The following PCDHGA10 variants were observed in gnomAD, a reference collection of about 807,000 sequenced individuals.
The protein encoded by PCDHGA10 is protocadherin gamma subfamily A, 10, also known as protocadherin gamma-A10.
In PCDHGA10, 42 loss-of-function variants were observed where a neutral mutation model predicts 59.5. The ratio of observed to expected loss-of-function variants is 0.71; its 90% CI spans 0.55 to 0.91. The LOEUF is 0.91. Ranked by LOEUF, PCDHGA10 falls within the 40% of genes least tolerant of loss-of-function variation. PCDHGA10 has a pLI of 0.00. For synonymous variants in PCDHGA10, 511 were observed against 517.2 expected (o/e 0.99, Z 0.16); for missense variants, 1,111 against 1,198.2 (o/e 0.93, Z 1.07).
intron 2 of PCDHGA10, among the ~76,000 whole-genome samples, chr5:141,500,184 TTTTATTTA>T (rs58019021): frequency 0.099 from 13,469 of 135,812 alleles, 757 homozygotes; most frequent in African/African-American, 0.15. Context: ...TCATTTTTAT[TTTTATTTA>T]TTTATTTATT....
In PCDHGA10 at chr5:141,431,202, C is replaced by T. The variant is rs2097350864; in HGVS notation, c.2436+15591C>T. The stretch of plus-strand genomic sequence containing the variant: ...ATAAAAATTAGTGAAAATGCAGCCA[C>T]TGAGATGCGGTTCCCTCTACCCCAC... On this transcript the variant is annotated intron_variant, in intron 1 of 3. Coordinates refer to ENST00000398610, the MANE Select transcript of PCDHGA10 (RefSeq NM_018913.3). The surrounding 1 kb of genome is among the most constrained non-coding windows in gnomAD (Gnocchi z 4.8). 6.2e-7 allele frequency: 1 copy of T among 1,614,204 alleles called. No individual in the cohort carries two copies. Among genetic ancestry groups the T allele is most frequent in the Non-Finnish European group, 8.5e-7 (1 of 1,180,052 alleles).
chr5:141,460,537 C>T (rs2098991642), intron 1 of PCDHGA10, among the ~76,000 whole-genome samples: 1 of 152,062 alleles, frequency 6.6e-6, no homozygotes, highest in African/African-American at 2.4e-5. Context: ...ATAATCTTAG[C>T]ACCTTAATCA....
At chr5:141,417,897 C>T (rs2096182334) in intron 1 of PCDHGA10, 1 of 1,578,084 alleles carries the variant, frequency 6.3e-7, no homozygotes, top group African/African-American at 1.4e-5. Context: ...CGGGCCGGCC[C>T]GCGGCAGGTA....
intron 1 of PCDHGA10, among the ~76,000 whole-genome samples, chr5:141,492,108 C>T (rs1331001233): frequency 2.6e-5 from 4 of 152,232 alleles, no homozygotes; most frequent in African/African-American, 9.6e-5. Flanking sequence ...TAGATTTCCT[C>T]TTCGATTTCT....
In PCDHGA10 at chr5:141,432,220, C is replaced by A. The variant is rs949257429; in HGVS notation, c.2436+16609C>A. ...CCGACTGTGAAGAGAACGCCCAGAT[C>A]ACTTATTCCCTGGCTGAGAACACCA... On this transcript the variant is annotated intron_variant, in intron 1 of 3. Coordinates refer to ENST00000398610, the MANE Select transcript of PCDHGA10 (RefSeq NM_018913.3). This position sits in a 1 kb window ranked among gnomAD's most constrained non-coding sequence, Gnocchi z 6.0. The A allele has an allele frequency of 2.5e-6, 4 of 1,614,246 alleles. No homozygotes were observed. The highest frequency in any genetic ancestry group is 1.6e-4 in the Middle Eastern group (1 of 6,062).
intron 1 of PCDHGA10, among the ~76,000 whole-genome samples, chr5:141,475,567 A>G (rs1260546062): frequency 6.6e-6 from 1 of 152,244 alleles, no homozygotes; most frequent in African/African-American, 2.4e-5. Flanking sequence ...CTGTCTTCCA[A>G]CAAGCCAGAT....
In PCDHGA10 at chr5:141,489,844, C is replaced by G. The variant is rs1004902910; in HGVS notation, c.2437-4963C>G. Reference sequence around the variant, plus strand: ...GCTGGTGCTAGAGCAGCAGCTGGATCGTGAAGCCCAGGCAAGACATCAGCT... The same window carrying G: ...GCTGGTGCTAGAGCAGCAGCTGGATGGTGAAGCCCAGGCAAGACATCAGCT... On this transcript the variant is annotated intron_variant, in intron 1 of 3. Coordinates refer to ENST00000398610, the MANE Select transcript of PCDHGA10 (RefSeq NM_018913.3). The surrounding 1 kb of genome is among the most constrained non-coding windows in gnomAD (Gnocchi z 4.5). The G allele has an allele frequency of 1.2e-6, 2 of 1,614,030 alleles. No individual in the cohort carries two copies. Among genetic ancestry groups the G allele is most frequent in the Non-Finnish European group, 8.5e-7 (1 of 1,179,990 alleles).
intron 1 of PCDHGA10, chr5:141,421,504 C>A (rs757410882): frequency 1.2e-6 from 2 of 1,614,062 alleles, no homozygotes; most frequent in Admixed American, 1.7e-5. Context: ...CAGGATAGAC[C>A]GGGAGGAGCT....
Position 141,491,657 on chromosome 5 carries a change from A to T in PCDHGA10, c.2437-3150A>T. 1.2e-6 allele frequency: 2 copies of T among 1,613,740 alleles called. No homozygotes were observed. Among genetic ancestry groups the T allele is most frequent in the Non-Finnish European group, 1.7e-6 (2 of 1,180,006 alleles). On this transcript the variant is annotated intron_variant, in intron 1 of 3. Transcript: ENST00000398610. The surrounding 1 kb of genome is among the most constrained non-coding windows in gnomAD (Gnocchi z 6.9). ...CCCACAGCTCTGGCGCTGGAGCCTG[A>T]CGCCATCCGGTCCCGCTCTAATACG...
chr5:141,427,528 A>G (rs1360860476), intron 1 of PCDHGA10: 1 of 617,748 alleles, frequency 1.6e-6, no homozygotes, highest in Non-Finnish European at 3.0e-6. Context: ...CGGATCCCGG[A>G]GTACAACGTC....
In PCDHGA10 at chr5:141,415,519, A is replaced by T; in HGVS notation, c.2344A>T (p.Thr782Ser). Residue 782 changes from threonine to serine, a missense_variant, in exon 1 of 4, where the codon ACG becomes TCG. Transcript: ENST00000398610. ...LIFPQPNYAD[T>S]LISQESCEKN... ...CTTCCCCCAGCCCAATTATGCGGACACGCTCATCAGCCAGGAGAGCTGTGA... is the reference window on the plus strand; with the variant it reads ...CTTCCCCCAGCCCAATTATGCGGACTCGCTCATCAGCCAGGAGAGCTGTGA... The T allele has an allele frequency of 1.9e-6, 3 of 1,614,182 alleles. No individual in the cohort carries two copies. The highest frequency in any genetic ancestry group is 2.5e-6 in the Non-Finnish European group (3 of 1,180,036).
At chr5:141,424,068 G>T in intron 1 of PCDHGA10, 1 of 993,858 alleles carries the variant, frequency 1.0e-6, no homozygotes. Flanking sequence ...TCACTGATTT[G>T]TAGTTATATT....
intron 1 of PCDHGA10, among the ~76,000 whole-genome samples, chr5:141,456,862 C>T (rs1385304686): frequency 6.6e-6 from 1 of 152,086 alleles, no homozygotes; most frequent in Non-Finnish European, 1.5e-5. Context: ...AATTGGGAGG[C>T]TGAGGCAGGA....
chr5:141,505,249 G>T, intron 2 of PCDHGA10, 144 bp from the exon 3 acceptor site: 1 of 1,447,748 alleles, frequency 6.9e-7, no homozygotes, highest in Non-Finnish European at 9.2e-7. Flanking sequence ...GATTGTAGAA[G>T]TGCCTCCTAC....
chr5:141,415,419 C>T lies in PCDHGA10; in HGVS notation c.2244C>T (p.Asp748=), dbSNP rs2095868053. The change falls in exon 1 of 4, where the codon GAC becomes GAT. Residue 748 remains aspartate (D), a synonymous_variant. Transcript: ENST00000398610. Reference sequence around the variant, plus strand: ...CCGGCTCGCACTTTGTGGGCGTGGACGGGGTTCGGGCTTTCCTGCAGACCT... The same window carrying T: ...CCGGCTCGCACTTTGTGGGCGTGGATGGGGTTCGGGCTTTCCTGCAGACCT... The part of the protein sequence containing the change: ...GVSGSHFVGV[D]GVRAFLQTYS... The T allele has an allele frequency of 6.2e-7, 1 of 1,614,196 alleles. No individual in the cohort carries two copies. The highest frequency in any genetic ancestry group is 8.5e-7 in the Non-Finnish European group (1 of 1,180,038).
intron 1 of PCDHGA10, among the ~76,000 whole-genome samples, chr5:141,437,923 A>G (rs893873818): frequency 2.0e-5 from 3 of 152,110 alleles, no homozygotes; most frequent in African/African-American, 7.2e-5. Context: ...TTTTTAGTAG[A>G]GATGGGGTTT....
At chr5:141,497,223 T>G (rs921763195) in intron 2 of PCDHGA10, among the ~76,000 whole-genome samples, 14 of 151,762 alleles carry the variant, frequency 9.2e-5, no homozygotes, top group African/African-American at 3.4e-4. Context: ...GGGGGGAAGA[T>G]CAGAGAAGGC....
intron 1 of PCDHGA10, chr5:141,419,490 C>G (rs2096390495): frequency 8.1e-6 from 13 of 1,612,414 alleles, no homozygotes; most frequent in Non-Finnish European, 1.1e-5. Context: ...GCGCTCAGCG[C>G]CAATGTGAGC....
At position 141,415,569 on chromosome 5, in the gene PCDHGA10, A is replaced by G. The variant is rs962518094; in HGVS notation, c.2394A>G (p.Leu798=). 12 of 1,614,092 alleles carry G rather than the reference A, an allele frequency of 7.4e-6. No individual in the cohort carries two copies. The highest frequency in any genetic ancestry group is 1.0e-5 in the Non-Finnish European group (12 of 1,180,026). The change falls in exon 1 of 4, where the codon TTA becomes TTG. Residue 798 remains leucine (L), a synonymous_variant. Coordinates refer to ENST00000398610, the MANE Select transcript of PCDHGA10 (RefSeq NM_018913.3). ...SCEKNDPLSL[L]DDSKFPIEDT... Reference sequence around the variant, plus strand: ...AGAAAAACGATCCTTTGTCTTTGTTAGATGATTCGAAGTTTCCTATAGAGG... The same window carrying G: ...AGAAAAACGATCCTTTGTCTTTGTTGGATGATTCGAAGTTTCCTATAGAGG...
Sources: allele counts gnomAD v4.1 joint callset (sites outside exome capture counted in the v4.1 genomes callset), GRCh38; gene constraint gnomAD v4.1.1; non-coding constraint Gnocchi (gnomAD v3.1); transcripts MANE v1.5; gene names NCBI Gene and HGNC (gene_info 2026-07-23, HGNC 2026-07-21).